The following PKIB variants were observed in gnomAD, a reference collection of about 807,000 sequenced individuals.
PKIB encodes the protein cAMP-dependent protein kinase inhibitor beta.
A neutral mutation model predicts 4.5 loss-of-function variants in PKIB; 2 were observed. That is an observed-to-expected ratio of 0.44 (90% confidence interval 0.18 to 1.39). The LOEUF (loss-of-function observed/expected upper bound fraction) is 1.39, where lower values mean the gene tolerates loss of function less well. Ranked by LOEUF, PKIB falls within the 40% of genes most tolerant of loss-of-function variation. The pLI is 0.27. For missense variants in PKIB, 94 were observed against 92.6 expected (o/e 1.02, Z -0.06); for synonymous variants, 38 against 36.0 (o/e 1.06, Z -0.20).
chr6:122,669,160 C>G (rs537549081), intron 2 of PKIB, among the ~76,000 whole-genome samples: 1 of 152,084 alleles, frequency 6.6e-6, no homozygotes, highest in South Asian at 2.1e-4. Flanking sequence ...TTTTCTTCCT[C>G]TATTGTGAGA....
intron 2 of PKIB, among the ~76,000 whole-genome samples, chr6:122,552,860 A>C (rs998236245): frequency 6.6e-6 from 1 of 152,156 alleles, no homozygotes; most frequent in Non-Finnish European, 1.5e-5. Context: ...CTCAGTCTTT[A>C]GGGCTAGTGG....
intron 3 of PKIB, among the ~76,000 whole-genome samples, chr6:122,683,122 A>G (rs974207934): frequency 3.9e-5 from 6 of 152,170 alleles, no homozygotes; most frequent in African/African-American, 1.4e-4. Flanking sequence ...ACACATTATG[A>G]TTATTAAAAT....
At chr6:122,599,409 C>G (rs1562264909) in intron 3 of PKIB, among the ~76,000 whole-genome samples, 1 of 152,178 alleles carries the variant, frequency 6.6e-6, no homozygotes, top group African/African-American at 2.4e-5. Context: ...CAGTAGACAC[C>G]TGGTGAGGCT....
chr6:122,686,408 A>G (rs1778091672), intron 3 of PKIB, among the ~76,000 whole-genome samples: 1 of 152,100 alleles, frequency 6.6e-6, no homozygotes, highest in African/African-American at 2.4e-5. Flanking sequence ...GACGAATGAT[A>G]TGGAGCACCA....
chr6:122,701,220 C>G (rs1300869045), intron 3 of PKIB: 5 of 459,388 alleles, frequency 1.1e-5, no homozygotes, highest in Non-Finnish European at 2.0e-5. Context: ...GCTTGGTTCT[C>G]CATGGTGTGG....
At chr6:122,649,331 T>C (rs1265101236) in intron 2 of PKIB, among the ~76,000 whole-genome samples, 1 of 152,220 alleles carries the variant, frequency 6.6e-6, no homozygotes, top group Non-Finnish European at 1.5e-5. Flanking sequence ...GGAAGACTTC[T>C]CTTTAGCACT....
At chr6:122,494,411 G>A (rs921155745) in intron 2 of PKIB, among the ~76,000 whole-genome samples, 4 of 152,166 alleles carry the variant, frequency 2.6e-5, no homozygotes, top group African/African-American at 9.7e-5. Context: ...ATGTAGGGCT[G>A]TTTTTGTTGT....
At chr6:122,544,409 C>T (rs1400935967) in intron 2 of PKIB, among the ~76,000 whole-genome samples, 1 of 151,748 alleles carries the variant, frequency 6.6e-6, no homozygotes, top group Non-Finnish European at 1.5e-5. Context: ...GCTAAATTGT[C>T]TGAGCATAAC....
intron 2 of PKIB, among the ~76,000 whole-genome samples, chr6:122,497,594 A>G (rs550247319): frequency 1.4e-3 from 213 of 152,302 alleles, no homozygotes; most frequent in African/African-American, 4.9e-3. Flanking sequence ...AGACTTTAAA[A>G]CATCAACAAT....
intron 2 of PKIB, among the ~76,000 whole-genome samples, chr6:122,571,911 G>A (rs762349393): frequency 5.3e-5 from 8 of 152,122 alleles, no homozygotes; most frequent in Non-Finnish European, 8.8e-5. Context: ...AATGTAAATA[G>A]CCTAAATGCT....
At chr6:122,624,262 C>T (rs2114798105) in intron 1 of PKIB, among the ~76,000 whole-genome samples, 1 of 152,280 alleles carries the variant, frequency 6.6e-6, no homozygotes, top group East Asian at 1.9e-4. Flanking sequence ...TTGAATATTA[C>T]AAAATCATTT....
chr6:122,720,352 A>G (rs1038319142), intron 4 of PKIB, among the ~76,000 whole-genome samples: 3 of 152,212 alleles, frequency 2.0e-5, no homozygotes, highest in Non-Finnish European at 2.9e-5. Flanking sequence ...ATTTGATGAC[A>G]TATGAACAGG....
intron 2 of PKIB, among the ~76,000 whole-genome samples, chr6:122,527,071 C>T (rs1282315033): frequency 6.6e-6 from 1 of 152,096 alleles, no homozygotes; most frequent in African/African-American, 2.4e-5. Context: ...TTCCTTCAAC[C>T]TCATGAACCA....
chr6:122,629,426 T>G (rs2114814182), intron 1 of PKIB, among the ~76,000 whole-genome samples: 1 of 130,166 alleles, frequency 7.7e-6, no homozygotes, highest in East Asian at 2.1e-4. Context: ...GAATAAATAA[T>G]TGAATACATA....
chr6:122,713,483 C>G (rs1296213530), intron 3 of PKIB, among the ~76,000 whole-genome samples: 2 of 152,098 alleles, frequency 1.3e-5, no homozygotes, highest in Non-Finnish European at 2.9e-5. Flanking sequence ...TTATCACAAG[C>G]CATTTGAAGA....
chr6:122,513,879 A>T (rs1357726350), intron 2 of PKIB, among the ~76,000 whole-genome samples: 1 of 152,204 alleles, frequency 6.6e-6, no homozygotes, highest in African/African-American at 2.4e-5. Context: ...CCGTAGATAA[A>T]ATATTTTTAA....
At chr6:122,563,543 G>T (rs1773094741) in intron 2 of PKIB, among the ~76,000 whole-genome samples, 1 of 152,104 alleles carries the variant, frequency 6.6e-6, no homozygotes, top group Non-Finnish European at 1.5e-5. Context: ...AATACCCTTT[G>T]TCTTCTGCTA....
chr6:122,503,526 A>G (rs1776308261), intron 2 of PKIB, among the ~76,000 whole-genome samples: 1 of 152,206 alleles, frequency 6.6e-6, no homozygotes, highest in Admixed American at 6.5e-5. Flanking sequence ...CTTCAGGATT[A>G]TCTCTTTCTC....
intron 1 of PKIB, among the ~76,000 whole-genome samples, chr6:122,621,835 C>T (rs1183321565): frequency 1.3e-5 from 2 of 152,090 alleles, no homozygotes; most frequent in Non-Finnish European, 2.9e-5. Context: ...GCTGAAAGCC[C>T]ATGTCCCTCA....
Sources: allele counts gnomAD v4.1 joint callset (sites outside exome capture counted in the v4.1 genomes callset), GRCh38; gene constraint gnomAD v4.1.1; transcripts MANE v1.5; gene names NCBI Gene and HGNC (gene_info 2026-07-23, HGNC 2026-07-21).